Variants in MLLT3 observed in about 807,000 individuals in gnomAD.
The protein encoded by MLLT3 is MLLT3 super elongation complex subunit, also known as protein AF-9.
A neutral mutation model predicts 53.2 loss-of-function variants in MLLT3; 4 were observed. The ratio of observed to expected loss-of-function variants is 0.08; its 90% CI spans 0.04 to 0.17. The LOEUF is 0.17. Among genes scored for constraint, MLLT3 ranks in the 10% least tolerant of loss-of-function variants. The probability of loss-of-function intolerance (pLI) is 1.00; values close to 1 mark genes in which losing one functional copy is unlikely to be tolerated. For missense variants in MLLT3, 569 were observed against 684.0 expected (o/e 0.83, Z 1.87); for synonymous variants, 283 against 230.6 (o/e 1.23, Z -2.06).
At chr9:20,403,047 G>A (rs533130491) in intron 5 of MLLT3, among the ~76,000 whole-genome samples, 3 of 151,914 alleles carry the variant, frequency 2.0e-5, no homozygotes, top group African/African-American at 4.8e-5. Flanking sequence ...AAGGATGTGC[G>A]AATCACTGCA....
intron 2 of MLLT3, among the ~76,000 whole-genome samples, chr9:20,562,511 AGCACCAGCAAAGAT>A (rs1819242580): frequency 6.6e-6 from 1 of 152,216 alleles, no homozygotes; most frequent in African/African-American, 2.4e-5. Flanking sequence ...ATGGACCCTT[AGCACCAGCAAAGAT>A]AATTTCAGAG....
chr9:20,429,667 G>A (rs903624233), intron 4 of MLLT3, among the ~76,000 whole-genome samples: 2 of 152,046 alleles, frequency 1.3e-5, no homozygotes, highest in African/African-American at 2.4e-5. Context: ...GATTAAAGGA[G>A]AACAAAACCA....
At chr9:20,396,165 T>TA (rs1822317504) in intron 5 of MLLT3, among the ~76,000 whole-genome samples, 3 of 152,070 alleles carry the variant, frequency 2.0e-5, no homozygotes, top group African/African-American at 7.2e-5. Context: ...TCAGGGTTTT[T>TA]TTTTTAAGAG....
intron 10 of MLLT3, among the ~76,000 whole-genome samples, chr9:20,350,508 T>C (rs1587140168): frequency 2.1e-5 from 3 of 146,308 alleles, no homozygotes; most frequent in East Asian, 4.1e-4. Context: ...GGCAGGAGAA[T>C]GGCGTGAACC....
At position 20,622,346 on chromosome 9, in the gene MLLT3, T is replaced by G; in HGVS notation, c.-90A>C. On this transcript the variant is annotated 5_prime_UTR_variant, in exon 1 of 11. Transcript: ENST00000380338. ...GCTGTAATTCATGAAGAGGCTGCTA[T>G]GAATGAGAGCGCGCCCAGGAGCGGA... The G allele has an allele frequency of 8.0e-7, 1 of 1,245,880 alleles. No individual in the cohort carries two copies. Among genetic ancestry groups the G allele is most frequent in the Non-Finnish European group, 1.1e-6 (1 of 912,432 alleles). The allele number at this position is 1,245,880 out of a possible 1,614,324, so 77.2% of individuals were successfully genotyped here. A position where few individuals can be genotyped will look rare whatever the true frequency, so the allele number is the denominator to read the frequency against.
At chr9:20,370,658 G>A (rs1412793724) in intron 5 of MLLT3, among the ~76,000 whole-genome samples, 1 of 152,006 alleles carries the variant, frequency 6.6e-6, no homozygotes, top group African/African-American at 2.4e-5. Context: ...TTACAGGTGT[G>A]CACCAACACG....
At chr9:20,598,768 G>A (rs1024035401) in intron 2 of MLLT3, among the ~76,000 whole-genome samples, 1 of 152,142 alleles carries the variant, frequency 6.6e-6, no homozygotes, top group Non-Finnish European at 1.5e-5. Flanking sequence ...CCAAATAAAG[G>A]TGATTCACTC....
intron 2 of MLLT3, chr9:20,532,510 T>G: frequency 1.0e-5 from 2 of 196,562 alleles, no homozygotes; most frequent in Middle Eastern, 1.8e-3. Context: ...CATTAGAACA[T>G]TTAAGAAAAT....
In MLLT3 at chr9:20,479,001, G is replaced by A. The variant is rs1338649207; in HGVS notation, c.194-22215C>T. Reference sequence around the variant, plus strand: ...ATGAGATTGACAGGAACTGATGACAGTTTGGATTTGAAGGCTCTCAATTAA... The same window carrying A: ...ATGAGATTGACAGGAACTGATGACAATTTGGATTTGAAGGCTCTCAATTAA... On this transcript the variant is annotated intron_variant, in intron 2 of 10. Transcript: ENST00000380338. 2.6e-5 allele frequency among the ~76,000 whole-genome samples: 4 copies of A among 152,272 alleles called. No homozygotes were observed. In the East Asian group the frequency reaches 5.8e-4, roughly 22 times the overall value.
intron 2 of MLLT3, among the ~76,000 whole-genome samples, chr9:20,595,169 C>A (rs1015045517): frequency 9.2e-5 from 14 of 151,986 alleles, no homozygotes; most frequent in Non-Finnish European, 2.1e-4. Flanking sequence ...CCAGCCTAGG[C>A]AACAAAGTGA....
Position 20,352,075 on chromosome 9 carries a change from C to T in MLLT3, c.1575+1450G>A, listed in dbSNP as rs1262965835. ...TGGATGGAGTTCTCCAGTAAGCCACCTTTCTTCGCAATTCTTATAAGGTCA... is the reference window on the plus strand; with the variant it reads ...TGGATGGAGTTCTCCAGTAAGCCACTTTTCTTCGCAATTCTTATAAGGTCA... On this transcript the variant is annotated intron_variant, in intron 10 of 10. Transcript: ENST00000380338. Among the ~76,000 whole-genome samples the T allele has an allele frequency of 2.0e-5, 3 of 152,298 alleles. No homozygotes were observed. The South Asian group carries it at 6.2e-4, about 32-fold the overall frequency.
chr9:20,518,376 G>T (rs1817970356), intron 2 of MLLT3, among the ~76,000 whole-genome samples: 2 of 151,938 alleles, frequency 1.3e-5, no homozygotes. Flanking sequence ...ACAAAAAAAG[G>T]CAACTTTTCC....
chr9:20,417,713 T>C (rs910332474), intron 4 of MLLT3, among the ~76,000 whole-genome samples: 5 of 152,222 alleles, frequency 3.3e-5, no homozygotes, highest in African/African-American at 1.2e-4. Context: ...TTTTCTCTCA[T>C]CTATTCAGAT....
At chr9:20,585,778 A>G (rs1345842689) in intron 2 of MLLT3, among the ~76,000 whole-genome samples, 1 of 152,220 alleles carries the variant, frequency 6.6e-6, no homozygotes, top group African/African-American at 2.4e-5. Flanking sequence ...ATCTTGGAGC[A>G]TGATCACCAG....
At chr9:20,440,933 A>G (rs1194261856) in intron 4 of MLLT3, among the ~76,000 whole-genome samples, 2 of 152,154 alleles carry the variant, frequency 1.3e-5, no homozygotes, top group African/African-American at 2.4e-5. Flanking sequence ...TACGGTTACT[A>G]TATTAAGAGT....
chr9:20,579,911 G>C (rs1254200493), intron 2 of MLLT3, among the ~76,000 whole-genome samples: 1 of 152,142 alleles, frequency 6.6e-6, no homozygotes, highest in African/African-American at 2.4e-5. Flanking sequence ...GGTGAATTCA[G>C]ACCCTAAAGT....
chr9:20,501,682 C>T (rs934155214), intron 2 of MLLT3, among the ~76,000 whole-genome samples: 49 of 137,486 alleles, frequency 3.6e-4, no homozygotes, highest in African/African-American at 7.9e-4. Flanking sequence ...ACCCGGGAAG[C>T]GGAGCTTGCC....
chr9:20,464,853 G>T (rs1197607495), intron 2 of MLLT3, among the ~76,000 whole-genome samples: 1 of 151,858 alleles, frequency 6.6e-6, no homozygotes, highest in Non-Finnish European at 1.5e-5. Context: ...TCCTACTTGG[G>T]CTTCTCTTCC....
chr9:20,580,746 C>G (rs1819770199), intron 2 of MLLT3, among the ~76,000 whole-genome samples: 1 of 152,180 alleles, frequency 6.6e-6, no homozygotes, highest in Admixed American at 6.5e-5. Context: ...TGAAATAAAG[C>G]AGTCAAAATT....
Sources: allele counts gnomAD v4.1 joint callset (sites outside exome capture counted in the v4.1 genomes callset), GRCh38; gene constraint gnomAD v4.1.1; transcripts MANE v1.5; gene names NCBI Gene and HGNC (gene_info 2026-07-23, HGNC 2026-07-21).